KIAA0825: variants seen among roughly 807,000 people sequenced by gnomAD.
KIAA0825 encodes uncharacterized protein KIAA0825.
A neutral mutation model predicts 147.6 loss-of-function variants in KIAA0825; 119 were observed. The observed-to-expected ratio is 0.81, with a 90% CI of 0.69 to 0.94. KIAA0825 has a LOEUF of 0.94. Ranked by LOEUF, KIAA0825 falls within the 40% of genes least tolerant of loss-of-function variation. KIAA0825 has a pLI of 0.00. For synonymous variants in KIAA0825, 470 were observed against 518.1 expected, an observed-to-expected ratio of 0.91 and a Z score of 1.26; for missense variants, 1,381 against 1,472.7, an observed-to-expected ratio of 0.94 and a Z score of 1.02.
At chr5:94,350,212 C>T (rs1223962083) in intron 20 of KIAA0825, among the ~76,000 whole-genome samples, 2 of 152,054 alleles carry the variant, frequency 1.3e-5, no homozygotes, top group Non-Finnish European at 2.9e-5. Context: ...AAAATACAAC[C>T]CTCCTAGCTT....
chr5:94,588,054 A>G (rs1351092263), intron 1 of KIAA0825, among the ~76,000 whole-genome samples: 1 of 152,252 alleles, frequency 6.6e-6, no homozygotes, highest in African/African-American at 2.4e-5. Context: ...AAGATGGATT[A>G]AAGACTTAAA....
At chr5:94,202,908 G>A (rs1434906506) in intron 20 of KIAA0825, among the ~76,000 whole-genome samples, 17 of 152,166 alleles carry the variant, frequency 1.1e-4, no homozygotes, top group Admixed American at 1.1e-3. Context: ...TTTGTTCTGA[G>A]ATGGTGATTT....
chr5:94,205,490 A>C (rs1356999715), intron 20 of KIAA0825, among the ~76,000 whole-genome samples: 3 of 151,398 alleles, frequency 2.0e-5, no homozygotes, highest in Non-Finnish European at 4.4e-5. Flanking sequence ...ATGGGGTTTC[A>C]CCATGTTAGC....
intron 20 of KIAA0825, among the ~76,000 whole-genome samples, chr5:94,367,038 TAAGG>T (rs1248437129): frequency 6.6e-6 from 1 of 152,296 alleles, no homozygotes; most frequent in East Asian, 1.9e-4. Flanking sequence ...CACTTTTAAA[TAAGG>T]AAGAGGAACA....
intron 3 of KIAA0825, among the ~76,000 whole-genome samples, chr5:94,534,711 G>A (rs1771612904): frequency 6.6e-6 from 1 of 151,864 alleles, no homozygotes; most frequent in Admixed American, 6.6e-5. Flanking sequence ...ACTAGGTTAG[G>A]CAAAAAATTA....
At chr5:94,354,923 G>A (rs961617090) in intron 20 of KIAA0825, among the ~76,000 whole-genome samples, 5 of 152,202 alleles carry the variant, frequency 3.3e-5, no homozygotes, top group Non-Finnish European at 7.3e-5. Context: ...GGTGGTTGGG[G>A]TGCAGCTTGT....
intron 2 of KIAA0825, among the ~76,000 whole-genome samples, chr5:94,542,117 T>C (rs936180951): frequency 6.6e-6 from 1 of 152,230 alleles, no homozygotes; most frequent in South Asian, 2.1e-4. Context: ...TGATCAACTA[T>C]ACAACTCTAG....
At chr5:94,209,364 A>G (rs1772495589) in intron 20 of KIAA0825, among the ~76,000 whole-genome samples, 1 of 152,204 alleles carries the variant, frequency 6.6e-6, no homozygotes, top group Non-Finnish European at 1.5e-5. Flanking sequence ...CAGAAAATGA[A>G]CCATGCAAGT....
At chr5:94,350,194 T>G (rs1409305567) in intron 20 of KIAA0825, among the ~76,000 whole-genome samples, 2 of 152,110 alleles carry the variant, frequency 1.3e-5, no homozygotes, top group African/African-American at 2.4e-5. Context: ...ATGGATAAAT[T>G]CCTGGAAAAA....
At chr5:94,519,106 C>T (rs1233483385) in intron 5 of KIAA0825, 5 of 579,120 alleles carry the variant, frequency 8.6e-6, no homozygotes, top group African/African-American at 2.0e-5. Flanking sequence ...TTGCCATAAC[C>T]GAATTTGGCA....
intron 1 of KIAA0825, among the ~76,000 whole-genome samples, chr5:94,589,145 TTAGAG>T (rs1349901427): frequency 1.3e-5 from 2 of 152,062 alleles, no homozygotes; most frequent in Non-Finnish European, 2.9e-5. Context: ...ACCCTAGAAC[TTAGAG>T]TATAACTAAA....
At chr5:94,521,174 A>C (rs868565489) in intron 4 of KIAA0825, among the ~76,000 whole-genome samples, 1 of 151,842 alleles carries the variant, frequency 6.6e-6, no homozygotes, top group Non-Finnish European at 1.5e-5. Context: ...TACAGTTTTT[A>C]GCCCTCATTG....
At chr5:94,408,901 A>G (rs1445592063) in intron 15 of KIAA0825, among the ~76,000 whole-genome samples, 1 of 152,222 alleles carries the variant, frequency 6.6e-6, no homozygotes, top group African/African-American at 2.4e-5. Context: ...ATAATTATGA[A>G]TGGCTGAGAT....
chr5:94,289,627 G>A (rs1777803627), intron 20 of KIAA0825, among the ~76,000 whole-genome samples: 1 of 151,822 alleles, frequency 6.6e-6, no homozygotes. Context: ...AAAGAAGAAT[G>A]GCTGTTTTTT....
chr5:94,312,285 A>G (rs1042795873), intron 20 of KIAA0825, among the ~76,000 whole-genome samples: 1 of 151,702 alleles, frequency 6.6e-6, no homozygotes, highest in Non-Finnish European at 1.5e-5. Flanking sequence ...GAATTAATTT[A>G]AAATTCACAT....
chr5:94,317,079 C>T (rs1455589046), intron 20 of KIAA0825, among the ~76,000 whole-genome samples: 1 of 151,798 alleles, frequency 6.6e-6, no homozygotes, highest in Non-Finnish European at 1.5e-5. Flanking sequence ...AGAACACTCA[C>T]GTTTCACTTC....
chr5:94,272,339 G>T (rs560932311), intron 20 of KIAA0825, among the ~76,000 whole-genome samples: 2 of 152,072 alleles, frequency 1.3e-5, no homozygotes, highest in Admixed American at 6.6e-5. Flanking sequence ...AACTAAAAGA[G>T]TATCACTGGA....
intron 20 of KIAA0825, among the ~76,000 whole-genome samples, chr5:94,154,824 T>G (rs1407629574): frequency 2.0e-5 from 3 of 152,142 alleles, no homozygotes; most frequent in Non-Finnish European, 4.4e-5. Flanking sequence ...GCACACTTAC[T>G]TCTTCCTTCC....
Position 94,422,666 on chromosome 5 carries a change from C to G in KIAA0825, c.2498-5301G>C, listed in dbSNP as rs1009108765. Among the ~76,000 whole-genome samples the G allele has an allele frequency of 2.0e-5, 3 of 152,154 alleles. No individual in the cohort carries two copies. The South Asian group carries it at 6.2e-4, about 32-fold the overall frequency. The stretch of plus-strand genomic sequence containing the variant: ...TCCCGTTTTTCTTTCCCTCTGCCTT[C>G]TGGACCAGACATTTGTTTTGTTTTT... On this transcript the variant is annotated intron_variant, in intron 14 of 20. Coordinates refer to ENST00000682413, the MANE Select transcript of KIAA0825 (RefSeq NM_001145678.3).
Sources: gnomAD v4.1 joint callset for allele counts (sites outside exome capture counted in the v4.1 genomes callset) on GRCh38, gnomAD v4.1.1 for gene constraint, MANE v1.5 for transcripts, NCBI Gene and HGNC (gene_info 2026-07-23, HGNC 2026-07-21) for gene names.